Variants in TENM3 observed in about 807,000 individuals in gnomAD.
TENM3 encodes the protein teneurin transmembrane protein 3, also known as teneurin-3.
Under a neutral mutation model 255.1 loss-of-function variants are expected in TENM3, and 63 were observed. That is an observed-to-expected ratio of 0.25 (90% CI 0.20 to 0.30). TENM3 has a LOEUF of 0.30. Ranked by LOEUF, TENM3 falls within the 10% of genes least tolerant of loss-of-function variation. TENM3 has a pLI of 1.00. For synonymous variants in TENM3, 1,306 were observed against 1,322.3 expected (o/e 0.99, Z 0.27); for missense variants, 2,929 against 3,461.1 (o/e 0.85, Z 3.86).
At chr4:181,887,253 A>ATT in the TENM3 span, among the ~76,000 whole-genome samples, 7,452 of 148,500 alleles carry the variant, frequency 0.05, 266 homozygotes, top group Non-Finnish European at 0.073. Context: ...TACCTGTGTG[A>ATT]TTTTTTTTTT....
At chr4:181,831,048 C>A in the TENM3 span, among the ~76,000 whole-genome samples, 4 of 152,056 alleles carry the variant, frequency 2.6e-5, no homozygotes, top group Non-Finnish European at 4.4e-5. Flanking sequence ...TTCCAACCCC[C>A]AAAAAACTGG....
chr4:182,081,269 C>A, the TENM3 span, among the ~76,000 whole-genome samples: 1 of 151,982 alleles, frequency 6.6e-6, no homozygotes, highest in African/African-American at 2.4e-5. Context: ...TTGTGGGCAC[C>A]AAGTGCTTCA....
At position 182,802,080 on chromosome 4, in the gene TENM3, G is replaced by C. The variant is rs1348680637; in HGVS notation, c.*1729G>C. ...TTGAAAATAATTTTCTAACTGCTTT[G>C]TATGTATCACATACTCTAAATTGCA... On this transcript the variant is annotated 3_prime_UTR_variant, in exon 28 of 28. Transcript: ENST00000511685. 2 of 152,386 alleles carry C rather than the reference G, an allele frequency of 1.3e-5. No individual in the cohort carries two copies. Among genetic ancestry groups the C allele is most frequent in the Non-Finnish European group, 2.9e-5 (2 of 67,900 alleles). The allele number at this position is 152,386 out of a possible 1,614,324, so 9.4% of individuals were successfully genotyped here.
At chr4:182,707,428 T>TA (rs1758362752) in intron 12 of TENM3, among the ~76,000 whole-genome samples, 2 of 152,072 alleles carry the variant, frequency 1.3e-5, no homozygotes, top group Admixed American at 6.6e-5. Context: ...GGTCCATCAC[T>TA]AAGGGGTGCA....
At chr4:181,538,736 T>C in the TENM3 span, among the ~76,000 whole-genome samples, 2 of 152,206 alleles carry the variant, frequency 1.3e-5, no homozygotes, top group East Asian at 1.9e-4. Context: ...GCACTGTGGC[T>C]GTTTCAGTGA....
At chr4:182,048,234 A>G in the TENM3 span, among the ~76,000 whole-genome samples, 39 of 152,232 alleles carry the variant, frequency 2.6e-4, no homozygotes, top group African/African-American at 9.2e-4. Context: ...AAATATGATT[A>G]GCCAGAAAAT....
chr4:182,055,726 C>T, the TENM3 span, among the ~76,000 whole-genome samples: 910 of 152,242 alleles, frequency 6.0e-3, 29 homozygotes, highest in Admixed American at 0.046. Context: ...ACTCTGTGAA[C>T]ACAAAGACAA....
chr4:182,204,057 G>T (rs1044247670), intron 1 of TENM3, among the ~76,000 whole-genome samples: 3 of 152,190 alleles, frequency 2.0e-5, no homozygotes, highest in African/African-American at 7.2e-5. Context: ...TGGATAGAGG[G>T]CTGGATAATG....
the TENM3 span, among the ~76,000 whole-genome samples, chr4:181,574,379 A>G: frequency 6.6e-6 from 1 of 150,764 alleles, no homozygotes; most frequent in Non-Finnish European, 1.5e-5. Context: ...AAAATACAAA[A>G]AATTAGCCGG....
At chr4:182,515,009 G>C (rs1425838078) in intron 3 of TENM3, among the ~76,000 whole-genome samples, 4 of 152,184 alleles carry the variant, frequency 2.6e-5, no homozygotes, top group African/African-American at 9.7e-5. Flanking sequence ...ACATTTCAAA[G>C]AGGGAATAAT....
At chr4:182,012,468 G>A in the TENM3 span, among the ~76,000 whole-genome samples, 8 of 152,128 alleles carry the variant, frequency 5.3e-5, no homozygotes, top group South Asian at 2.1e-4. Flanking sequence ...AGGGATGGAC[G>A]TAAAGAACGC....
the TENM3 span, among the ~76,000 whole-genome samples, chr4:181,455,743 A>AT: frequency 1.3e-5 from 2 of 152,012 alleles, no homozygotes; most frequent in Non-Finnish European, 2.9e-5. Flanking sequence ...TATTAATGGC[A>AT]TTTAAAAAAA....
At chr4:182,597,567 A>G (rs1361103169) in intron 3 of TENM3, among the ~76,000 whole-genome samples, 1 of 152,226 alleles carries the variant, frequency 6.6e-6, no homozygotes, top group Non-Finnish European at 1.5e-5. Context: ...GCTGGCAAGT[A>G]GATTATTTAA....
intron 14 of TENM3, 136 bp downstream of exon 14, chr4:182,729,317 C>A: frequency 2.7e-6 from 2 of 746,044 alleles, no homozygotes; most frequent in Non-Finnish European, 4.3e-6. Context: ...TCTGCAGATT[C>A]TTCACCAAAC....
intron 3 of TENM3, among the ~76,000 whole-genome samples, chr4:182,582,725 C>T (rs1745621629): frequency 6.6e-6 from 1 of 151,990 alleles, no homozygotes; most frequent in Non-Finnish European, 1.5e-5. Context: ...TCGATATGGA[C>T]GTGTTAGAAT....
At chr4:182,697,869 G>C (rs1757550459) in intron 12 of TENM3, 1 of 152,168 alleles carries the variant, frequency 6.6e-6, no homozygotes, top group Admixed American at 6.5e-5. Flanking sequence ...TGGAGGCCCT[G>C]TTTGGTTGTC....
intron 1 of TENM3, among the ~76,000 whole-genome samples, chr4:182,244,621 C>T (rs549898316): frequency 1.3e-5 from 2 of 152,266 alleles, no homozygotes; most frequent in East Asian, 1.9e-4. Flanking sequence ...AAGAGGAAGA[C>T]GGGTCTCCTG....
the TENM3 span, among the ~76,000 whole-genome samples, chr4:181,839,356 T>C: frequency 4.4e-5 from 2 of 45,658 alleles, no homozygotes; most frequent in Admixed American, 4.5e-4. Flanking sequence ...TATATATATA[T>C]ATATATATAT....
chr4:182,695,611 CTAGTGACACGAAAG>C (rs1396382531), intron 12 of TENM3, among the ~76,000 whole-genome samples: 1 of 152,130 alleles, frequency 6.6e-6, no homozygotes, highest in African/African-American at 2.4e-5. Flanking sequence ...ACTGACTCAC[CTAGTGACACGAAAG>C]TACAGGGTCA....
Sources: gnomAD v4.1 joint callset for allele counts (sites outside exome capture counted in the v4.1 genomes callset) on GRCh38, gnomAD v4.1.1 for gene constraint, MANE v1.5 for transcripts, NCBI Gene and HGNC (gene_info 2026-07-23, HGNC 2026-07-21) for gene names.